The following SH3GL2 variants were observed in gnomAD, a reference collection of about 807,000 sequenced individuals.
SH3GL2 encodes SH3 domain containing GRB2 like 2, endophilin A1.
A neutral mutation model predicts 46.0 loss-of-function variants in SH3GL2; 24 were observed. That is an observed-to-expected ratio of 0.52 (90% CI 0.38 to 0.73). SH3GL2 has a LOEUF of 0.73. Among genes scored for constraint, SH3GL2 ranks in the 30% least tolerant of loss-of-function variants. SH3GL2 has a pLI of 0.00. For synonymous variants in SH3GL2, 196 were observed against 147.1 expected, an observed-to-expected ratio of 1.33 and a Z score of -2.40; for missense variants, 413 against 424.2, an observed-to-expected ratio of 0.97 and a Z score of 0.23.
rs1188675492 is a variant in SH3GL2 at position 17,791,292 on chromosome 9, C to T, written c.686C>T (p.Ala229Val). 1 of 1,613,496 alleles carries T rather than the reference C, an allele frequency of 6.2e-7. No homozygotes were observed. The highest frequency in any genetic ancestry group is 8.5e-7 in the Non-Finnish European group (1 of 1,179,578). Residue 229 changes from alanine (A) to valine (V), a missense_variant, in exon 7 of 9, where the codon GCA becomes GTA. Coordinates refer to ENST00000380607, the MANE Select transcript of SH3GL2 (RefSeq NM_003026.5). ...GCTCAGCTGGAGTACCACAAGCAGG[C>T]AGTCCAGATCCTGCAGCAAGTCACG... ...VQAQLEYHKQ[A>V]VQILQQVTVR...
chr9:17,707,098 T>TG (rs955850889), intron 1 of SH3GL2, among the ~76,000 whole-genome samples: 3 of 151,962 alleles, frequency 2.0e-5, no homozygotes, highest in Non-Finnish European at 4.4e-5. Context: ...CCTACAGTAA[T>TG]GGGGGGAACT....
At position 17,795,513 on chromosome 9, in the gene SH3GL2, TTCTTC is replaced by T; in HGVS notation, c.860-22_860-18del. 1.9e-6 allele frequency: 3 copies of T among 1,584,752 alleles called. No individual in the cohort carries two copies. In the South Asian group the frequency reaches 3.3e-5, roughly 18 times the overall value. On this transcript the variant is annotated intron_variant, in intron 8 of 8. Transcript: ENST00000380607. ...GTTAAATACCCCTTATCCTTTTGTGTTCTTCTCTTCTCTCCTGCTCTTACTCCCAG... is the reference window on the plus strand; with the variant it reads ...GTTAAATACCCCTTATCCTTTTGTGTTCTTCTCTCCTGCTCTTACTCCCAG...
At chr9:17,722,814 T>C (rs1027521488) in intron 1 of SH3GL2, among the ~76,000 whole-genome samples, 2 of 152,130 alleles carry the variant, frequency 1.3e-5, no homozygotes, top group African/African-American at 4.8e-5. Flanking sequence ...CATATCTGAC[T>C]ATAACAACTA....
chr9:17,744,953 A>G (rs1822637652), intron 1 of SH3GL2, among the ~76,000 whole-genome samples: 1 of 152,190 alleles, frequency 6.6e-6, no homozygotes. Context: ...TGTGAGTCTA[A>G]TGGAACTTCA....
rs189860563 is a variant in SH3GL2 at position 17,677,070 on chromosome 9, C to G, written c.46-69996C>G. On this transcript the variant is annotated intron_variant, in intron 1 of 8. Coordinates refer to ENST00000380607, the MANE Select transcript of SH3GL2 (RefSeq NM_003026.5). ...CATTTGGCGATGTCTTCCTCCATCA[C>G]GCCTGCAGTCACTCCTGTGGACTTA... 2.6e-5 allele frequency among the ~76,000 whole-genome samples: 4 copies of G among 152,120 alleles called. No individual in the cohort carries two copies. The South Asian group carries it at 8.3e-4, about 31-fold the overall frequency.
intron 3 of SH3GL2, 46 bp from the exon 4 acceptor site, chr9:17,786,335 G>C: frequency 6.4e-7 from 1 of 1,571,302 alleles, no homozygotes; most frequent in Non-Finnish European, 8.6e-7. Context: ...TATTTCCGCA[G>C]TGTCACATTG....
At chr9:17,684,089 A>T (rs1427640434) in intron 1 of SH3GL2, among the ~76,000 whole-genome samples, 1 of 152,134 alleles carries the variant, frequency 6.6e-6, no homozygotes, top group African/African-American at 2.4e-5. Context: ...CATAAAAGAA[A>T]CAAAGCAATC....
chr9:17,769,967 CAG>C (rs930405532), intron 3 of SH3GL2, among the ~76,000 whole-genome samples: 4 of 152,132 alleles, frequency 2.6e-5, no homozygotes. Flanking sequence ...GTTCCTAGCA[CAG>C]AGTTTGGTGC....
At chr9:17,790,928 AT>A (rs1389953619) in intron 6 of SH3GL2, among the ~76,000 whole-genome samples, 1 of 152,188 alleles carries the variant, frequency 6.6e-6, no homozygotes, top group Non-Finnish European at 1.5e-5. Flanking sequence ...CAAATCCCAG[AT>A]ACAAGATTGT....
At chr9:17,758,787 T>G (rs1823083966) in intron 2 of SH3GL2, among the ~76,000 whole-genome samples, 1 of 146,528 alleles carries the variant, frequency 6.8e-6, no homozygotes, top group Admixed American at 6.9e-5. Context: ...TAATGATGCC[T>G]GGACTAGGTA....
At chr9:17,719,272 A>G (rs1053949221) in intron 1 of SH3GL2, among the ~76,000 whole-genome samples, 8 of 152,152 alleles carry the variant, frequency 5.3e-5, no homozygotes, top group Non-Finnish European at 1.0e-4. Flanking sequence ...AGGTATCTAA[A>G]TAAGATTCTG....
chr9:17,622,992 T>TTTCCTTTCCGTTCCG (rs1563786443), intron 1 of SH3GL2, among the ~76,000 whole-genome samples: 4 of 65,322 alleles, frequency 6.1e-5, no homozygotes, highest in Admixed American at 3.0e-4. Context: ...TTTCGTTTCC[T>TTTCCTTTCCGTTCCG]TTCCTTTCCT....
intron 1 of SH3GL2, among the ~76,000 whole-genome samples, chr9:17,688,900 C>G (rs945410930): frequency 2.0e-5 from 3 of 152,006 alleles, no homozygotes; most frequent in Non-Finnish European, 4.4e-5. Flanking sequence ...ATTATGCACT[C>G]TGTTCTAGCA....
At chr9:17,743,545 CTCT>C (rs761434720) in intron 1 of SH3GL2, among the ~76,000 whole-genome samples, 3 of 148,190 alleles carry the variant, frequency 2.0e-5, no homozygotes, top group African/African-American at 2.5e-5. Context: ...TCCTTTCCCT[CTCT>C]TCTTCCCTCT....
At chr9:17,778,354 G>C (rs1010298411) in intron 3 of SH3GL2, among the ~76,000 whole-genome samples, 1 of 152,128 alleles carries the variant, frequency 6.6e-6, no homozygotes, top group Non-Finnish European at 1.5e-5. Context: ...GGATGAGACT[G>C]ATAGAGAATA....
At chr9:17,738,478 A>G (rs1442746189) in intron 1 of SH3GL2, among the ~76,000 whole-genome samples, 4 of 151,062 alleles carry the variant, frequency 2.6e-5, no homozygotes, top group Middle Eastern at 6.9e-3. Flanking sequence ...ATACATACTT[A>G]TGTATACACA....
intron 1 of SH3GL2, among the ~76,000 whole-genome samples, chr9:17,628,408 T>TTGGGTG (rs1819335213): frequency 8.0e-6 from 1 of 125,046 alleles, no homozygotes; most frequent in South Asian, 2.9e-4. Flanking sequence ...TAACTATATC[T>TTGGGTG]TGGGTGTGTG....
intron 1 of SH3GL2, among the ~76,000 whole-genome samples, chr9:17,740,116 T>C (rs1822481751): frequency 6.6e-6 from 1 of 152,148 alleles, no homozygotes; most frequent in Non-Finnish European, 1.5e-5. Flanking sequence ...TCCAATTTTC[T>C]TAAATATACA....
At chr9:17,593,475 A>C (rs1376447033) in intron 1 of SH3GL2, among the ~76,000 whole-genome samples, 1 of 152,180 alleles carries the variant, frequency 6.6e-6, no homozygotes, top group African/African-American at 2.4e-5. Context: ...AGGTCACAGA[A>C]ATAGTCTGTG....
Sources: gnomAD v4.1 joint callset for allele counts (sites outside exome capture counted in the v4.1 genomes callset) on GRCh38, gnomAD v4.1.1 for gene constraint, MANE v1.5 for transcripts, NCBI Gene and HGNC (gene_info 2026-07-23, HGNC 2026-07-21) for gene names.